Variants in WDR49 observed in about 807,000 individuals in gnomAD.
The protein encoded by WDR49 is cilia- and flagella-associated protein 337.
In WDR49, 107 loss-of-function variants were observed where a neutral mutation model predicts 119.5. That is an observed-to-expected ratio of 0.90 (90% CI 0.77 to 1.05). The LOEUF is 1.05. WDR49 is among the 50% of genes least tolerant of loss of function. The pLI, the probability that WDR49 is intolerant of heterozygous loss-of-function variation, is 0.00. For synonymous variants in WDR49, 425 were observed against 418.8 expected (o/e 1.01, Z -0.18); for missense variants, 1,240 against 1,220.5 (o/e 1.02, Z -0.24).
intron 18 of WDR49, among the ~76,000 whole-genome samples, chr3:167,492,641 T>G (rs1751188518): frequency 6.6e-6 from 1 of 152,164 alleles, no homozygotes; most frequent in Non-Finnish European, 1.5e-5. Context: ...TGATGATAAC[T>G]AAGATGAAGC....
intron 5 of WDR49, among the ~76,000 whole-genome samples, chr3:167,612,843 A>G (rs1716405912): frequency 6.6e-6 from 1 of 152,206 alleles, no homozygotes; most frequent in Admixed American, 6.5e-5. Context: ...GTAGGATCTA[A>G]GTATCAAAAC....
intron 10 of WDR49, among the ~76,000 whole-genome samples, chr3:167,544,504 C>A (rs993250373): frequency 6.6e-6 from 1 of 151,880 alleles, no homozygotes; most frequent in Non-Finnish European, 1.5e-5. Context: ...GGCAAATAGA[C>A]CAGAGGGACA....
chr3:167,507,656 C>T (rs891521991), intron 16 of WDR49, among the ~76,000 whole-genome samples: 2 of 152,094 alleles, frequency 1.3e-5, no homozygotes, highest in Admixed American at 6.6e-5. Flanking sequence ...GTTTTCAGAC[C>T]ATATGCTTTC....
chr3:167,607,377 C>T lies in WDR49; in HGVS notation c.959-2909G>A, dbSNP rs116970487. 3.7e-4 allele frequency among the ~76,000 whole-genome samples: 56 copies of T among 152,244 alleles called. No homozygotes were observed. In the East Asian group the frequency reaches 5.2e-3, roughly 14 times the overall value. Reference sequence around the variant, plus strand: ...TATCACTTTCTGAGCCCCAACAGTACGTTTCTTGCTTATCCCCCATATGGA... The same window carrying T: ...TATCACTTTCTGAGCCCCAACAGTATGTTTCTTGCTTATCCCCCATATGGA... On this transcript the variant is annotated intron_variant, in intron 5 of 18. Transcript: ENST00000682715.
Position 167,620,456 on chromosome 3 carries a change from G to C in WDR49, c.931C>G (p.Leu311Val), listed in dbSNP as rs1292836726. 26 of 1,535,804 alleles carry C rather than the reference G, an allele frequency of 1.7e-5. No homozygotes were observed. Among genetic ancestry groups the C allele is most frequent in the Non-Finnish European group, 2.2e-5 (25 of 1,146,568 alleles). The change falls in exon 5 of 19, where the codon CTT (leucine) becomes GTT (valine). Residue 311 changes from leucine to valine, a missense_variant. Leu to Val is a conservative substitution (Grantham distance 32). Transcript: ENST00000682715. ...TGCCTGACCCAATCTCCTTGATGAAGTTTATGCTCTAATATATGGCAACAT... is the reference window on the plus strand; with the variant it reads ...TGCCTGACCCAATCTCCTTGATGAACTTTATGCTCTAATATATGGCAACAT... ...HKCCHILEHK[L>V]HQGDWVRQVT...
chr3:167,597,988 TG>T (rs1252593352), intron 7 of WDR49, among the ~76,000 whole-genome samples: 1 of 152,036 alleles, frequency 6.6e-6, no homozygotes, highest in Non-Finnish European at 1.5e-5. Context: ...GGGACCATGA[TG>T]GGGGCATGAT....
intron 11 of WDR49, among the ~76,000 whole-genome samples, chr3:167,533,837 G>A (rs905817079): frequency 6.6e-6 from 1 of 152,098 alleles, no homozygotes; most frequent in Non-Finnish European, 1.5e-5. Context: ...ATGGTAAGGA[G>A]AGCAGAAGAG....
intron 16 of WDR49, among the ~76,000 whole-genome samples, chr3:167,513,587 CA>C (rs1752075073): frequency 1.3e-5 from 2 of 152,106 alleles, no homozygotes; most frequent in African/African-American, 4.8e-5. Context: ...ATCATGGAGA[CA>C]AAATCAAATT....
chr3:167,621,499 A>G lies in WDR49; in HGVS notation c.751T>C (p.Ser251Pro). 5.2e-6 allele frequency: 8 copies of G among 1,534,574 alleles called. No individual in the cohort carries two copies. The highest frequency in any genetic ancestry group is 7.0e-6 in the Non-Finnish European group (8 of 1,146,018). The change falls in exon 4 of 19, where the codon TCA becomes CCA. Residue 251 changes from serine (S) to proline (P), a missense_variant. Ser to Pro is a moderately conservative substitution (Grantham distance 74). Transcript: ENST00000682715. ...YWYDPLDANE[S>P]ILSFGDITGK... ...GTTATATCCCCAAAAGAAAGAATTG[A>G]TTCATTGGCATCAAGAGGATCATAC...
intron 12 of WDR49, 22 bp from the exon 13 acceptor site, chr3:167,531,301 G>C: frequency 1.2e-6 from 2 of 1,608,074 alleles, no homozygotes; most frequent in African/African-American, 2.7e-5. Flanking sequence ...ACAAAGCCAA[G>C]TATATTAATG....
intron 18 of WDR49, among the ~76,000 whole-genome samples, chr3:167,495,312 T>A (rs1187633131): frequency 2.1e-5 from 3 of 143,124 alleles, no homozygotes; most frequent in Non-Finnish European, 4.5e-5. Flanking sequence ...AGAATCTGTA[T>A]AAAAGAGATT....
intron 7 of WDR49, among the ~76,000 whole-genome samples, chr3:167,589,843 G>A (rs1260061497): frequency 1.3e-5 from 2 of 151,986 alleles, no homozygotes; most frequent in Non-Finnish European, 2.9e-5. Context: ...CCAAATACAA[G>A]ATGTTATTAT....
intron 15 of WDR49, 121 bp from the exon 16 acceptor site, chr3:167,522,605 G>A (rs1190435238): frequency 1.1e-5 from 11 of 967,258 alleles, no homozygotes; most frequent in Non-Finnish European, 1.6e-5. Context: ...ACAAGAAGAT[G>A]AAAAAGATAT....
In WDR49 at chr3:167,635,949, C is replaced by T. The variant is rs375654046; in HGVS notation, c.166-8657G>A. 3.3e-5 allele frequency among the ~76,000 whole-genome samples: 5 copies of T among 151,458 alleles called. No homozygotes were observed. In the East Asian group the frequency reaches 5.8e-4, roughly 18 times the overall value. The stretch of plus-strand genomic sequence containing the variant: ...TGCCAAACATTATTCTAAGCACTCA[C>T]CACTAAATTAAAAAAATTTTTTTTT... On this transcript the variant is annotated intron_variant, in intron 2 of 18. Coordinates refer to ENST00000682715, the MANE Select transcript of WDR49 (RefSeq NM_001366157.1).
At chr3:167,629,851 A>T (rs996642525) in intron 2 of WDR49, among the ~76,000 whole-genome samples, 1 of 152,122 alleles carries the variant, frequency 6.6e-6, no homozygotes, top group Non-Finnish European at 1.5e-5. Flanking sequence ...GAGCCTGAAG[A>T]TGTGATTGAA....
chr3:167,567,415 GTCTCTT>G (rs1243686526), intron 8 of WDR49, among the ~76,000 whole-genome samples: 1 of 152,166 alleles, frequency 6.6e-6, no homozygotes, highest in African/African-American at 2.4e-5. Context: ...CATGTTCACA[GTCTCTT>G]TCATGATTTC....
chr3:167,528,025 A>C lies in WDR49; in HGVS notation c.2407-8T>G. ...GGAGTTAAGACAGTACTCCTGAATG[A>C]AAAGAAATACCAGAACTCTAAAAAA... On this transcript the variant is annotated splice_region_variant and splice_polypyrimidine_tract_variant and intron_variant, in intron 14 of 18. Coordinates refer to ENST00000682715, the MANE Select transcript of WDR49 (RefSeq NM_001366157.1). The C allele has an allele frequency of 6.2e-7, 1 of 1,607,308 alleles. No homozygotes were observed. The highest frequency in any genetic ancestry group is 8.5e-7 in the Non-Finnish European group (1 of 1,175,842).
chr3:167,649,304 G>GGA (rs1718266531), intron 2 of WDR49, among the ~76,000 whole-genome samples: 1 of 151,620 alleles, frequency 6.6e-6, no homozygotes. Flanking sequence ...TTAGAAAGAA[G>GGA]GACAAGTTAA....
chr3:167,574,036 C>T (rs184163733), intron 8 of WDR49, among the ~76,000 whole-genome samples: 1 of 152,302 alleles, frequency 6.6e-6, no homozygotes, highest in East Asian at 1.9e-4. Context: ...GATCACTCTC[C>T]ATAAAAAGCA....
Sources: gnomAD v4.1 joint callset for allele counts (sites outside exome capture counted in the v4.1 genomes callset) on GRCh38, gnomAD v4.1.1 for gene constraint, MANE v1.5 for transcripts, NCBI Gene and HGNC (gene_info 2026-07-23, HGNC 2026-07-21) for gene names.